Variants in RNF121 observed in about 807,000 individuals in gnomAD.
RNF121 encodes E3 ubiquitin ligase RNF121.
A neutral mutation model predicts 46.5 loss-of-function variants in RNF121; 21 were observed. The observed-to-expected ratio is 0.45, with a 90% CI of 0.32 to 0.65. RNF121 has a LOEUF of 0.65. Among genes scored for constraint, RNF121 ranks in the 30% least tolerant of loss-of-function variants. The probability of loss-of-function intolerance (pLI) is 0.04; values close to 1 mark genes in which losing one functional copy is unlikely to be tolerated. For missense variants in RNF121, 346 were observed against 416.0 expected (o/e 0.83, Z 1.46); for synonymous variants, 139 against 144.7 (o/e 0.96, Z 0.28).
chr11:71,932,294 A>G (rs143936937), intron 1 of RNF121, among the ~76,000 whole-genome samples: 1 of 152,244 alleles, frequency 6.6e-6, no homozygotes, highest in Non-Finnish European at 1.5e-5. Flanking sequence ...AATTAGATGG[A>G]GTTAACCCCA....
At chr11:71,985,492 T>G (rs552263856) in intron 4 of RNF121, among the ~76,000 whole-genome samples, 1 of 152,312 alleles carries the variant, frequency 6.6e-6, no homozygotes, top group South Asian at 2.1e-4. Context: ...TTGTGATCAG[T>G]GCAATCCCTG....
chr11:71,929,684 A>G (rs559445470), intron 1 of RNF121, among the ~76,000 whole-genome samples: 1 of 152,338 alleles, frequency 6.6e-6, no homozygotes, highest in East Asian at 1.9e-4. Flanking sequence ...GAACAAGTGG[A>G]TGAATAAATG....
chr11:71,964,516 T>C (rs1173314008), intron 3 of RNF121, among the ~76,000 whole-genome samples: 1 of 152,096 alleles, frequency 6.6e-6, no homozygotes, highest in African/African-American at 2.4e-5. Flanking sequence ...TTGCCCATAC[T>C]GGAATGCAGT....
intron 3 of RNF121, among the ~76,000 whole-genome samples, chr11:71,971,448 A>G (rs961030273): frequency 6.6e-6 from 1 of 152,192 alleles, no homozygotes; most frequent in Non-Finnish European, 1.5e-5. Flanking sequence ...GATTCGATAA[A>G]TTTGATTTTA....
At chr11:71,932,619 T>C (rs1478434158) in intron 1 of RNF121, among the ~76,000 whole-genome samples, 7 of 152,212 alleles carry the variant, frequency 4.6e-5, no homozygotes, top group African/African-American at 1.4e-4. Flanking sequence ...CTATTTGTGA[T>C]TGAGGAAGCT....
At chr11:71,936,463 C>T (rs1193653682) in intron 1 of RNF121, among the ~76,000 whole-genome samples, 1 of 151,950 alleles carries the variant, frequency 6.6e-6, no homozygotes, top group African/African-American at 2.4e-5. Flanking sequence ...GATCTCGGCT[C>T]ACTGCAAGTT....
At chr11:71,984,362 C>T (rs1024916746) in intron 4 of RNF121, among the ~76,000 whole-genome samples, 1 of 149,736 alleles carries the variant, frequency 6.7e-6, no homozygotes, top group Non-Finnish European at 1.5e-5. Context: ...CTCGTGCAAG[C>T]TCCGCCTCCT....
chr11:71,939,411 G>GCCC (rs967176178), intron 1 of RNF121: 1 of 157,716 alleles, frequency 6.3e-6, no homozygotes, highest in African/African-American at 2.4e-5. Flanking sequence ...GATTTGCACC[G>GCCC]CCCCCCGCAA....
intron 1 of RNF121, among the ~76,000 whole-genome samples, chr11:71,935,417 C>G (rs911315063): frequency 6.6e-6 from 1 of 152,184 alleles, no homozygotes. Flanking sequence ...GTGCTGTTAA[C>G]CACAACGGGC....
At position 71,996,397 on chromosome 11, in the gene RNF121, G is replaced by C. The variant is rs1055906223; in HGVS notation, c.*82G>C. The stretch of plus-strand genomic sequence containing the variant: ...TCCTCCCTGCCCACAAAGACCTCCT[G>C]GGTGGGAAAGACTCAAAGGGGTGCT... On this transcript the variant is annotated 3_prime_UTR_variant, in exon 9 of 9. Transcript: ENST00000361756. The C allele has an allele frequency of 1.2e-5, 18 of 1,541,474 alleles. No individual in the cohort carries two copies. The African/African-American group carries it at 1.8e-4, about 15-fold the overall frequency.
chr11:71,942,064 C>G (rs1485117648), intron 1 of RNF121, among the ~76,000 whole-genome samples: 1 of 151,586 alleles, frequency 6.6e-6, no homozygotes, highest in East Asian at 1.9e-4. Context: ...TCCCGAGTAG[C>G]TGGGACTACA....
At chr11:71,946,771 G>A (rs1463335198) in intron 1 of RNF121, among the ~76,000 whole-genome samples, 2 of 149,968 alleles carry the variant, frequency 1.3e-5, no homozygotes, top group Non-Finnish European at 3.0e-5. Flanking sequence ...GGAGTGCAGT[G>A]GTGCAGTCTC....
chr11:71,978,592 T>C (rs528008281), intron 3 of RNF121, among the ~76,000 whole-genome samples: 1 of 152,394 alleles, frequency 6.6e-6, no homozygotes, highest in South Asian at 2.1e-4. Context: ...ATAAGAGCTC[T>C]CATTTACTGA....
chr11:71,972,249 A>G (rs993796026), intron 3 of RNF121, among the ~76,000 whole-genome samples: 8 of 152,190 alleles, frequency 5.3e-5, no homozygotes, highest in African/African-American at 1.9e-4. Flanking sequence ...TGGGGTGAGG[A>G]ATAGTAATAA....
At chr11:71,957,132 A>G in intron 1 of RNF121, 95 bp from the exon 2 acceptor site, 1 of 844,448 alleles carries the variant, frequency 1.2e-6, no homozygotes, top group East Asian at 2.4e-5. Context: ...AGCTTCTCTA[A>G]TTCCTTGAAG....
intron 1 of RNF121, among the ~76,000 whole-genome samples, chr11:71,945,375 T>C (rs938536300): frequency 6.6e-6 from 1 of 152,236 alleles, no homozygotes; most frequent in African/African-American, 2.4e-5. Context: ...TTAAACTTAG[T>C]AGCCGTTGGC....
intron 1 of RNF121, among the ~76,000 whole-genome samples, chr11:71,942,051 G>A (rs952482296): frequency 2.6e-5 from 4 of 151,268 alleles, no homozygotes; most frequent in African/African-American, 9.7e-5. Context: ...TCCTGCCTCA[G>A]CCTCCCGAGT....
chr11:71,997,422 C>A lies in RNF121; in HGVS notation c.*1107C>A, dbSNP rs1463500100. The A allele has an allele frequency of 6.6e-6, 1 of 152,058 alleles. No individual in the cohort carries two copies. 9.4% of individuals were successfully genotyped at this position (152,058 alleles called of 1,614,324 possible). On this transcript the variant is annotated 3_prime_UTR_variant, in exon 9 of 9. Transcript: ENST00000361756. The stretch of plus-strand genomic sequence containing the variant: ...CTGAGAGGGGGCTTCTAGGAAGGCC[C>A]CAGCCCTAGTCCTAGGCGACTTGAA...
intron 1 of RNF121, among the ~76,000 whole-genome samples, chr11:71,947,442 T>C (rs1300366983): frequency 6.7e-6 from 1 of 149,022 alleles, no homozygotes; most frequent in Admixed American, 6.7e-5. Flanking sequence ...TGAGCTATGA[T>C]CAAGCCACTG....
Sources: allele counts gnomAD v4.1 joint callset (sites outside exome capture counted in the v4.1 genomes callset), GRCh38; gene constraint gnomAD v4.1.1; transcripts MANE v1.5; gene names NCBI Gene and HGNC (gene_info 2026-07-23, HGNC 2026-07-21).